TNR: variants seen among roughly 807,000 people sequenced by gnomAD.
The protein encoded by TNR is tenascin R.
In TNR, 45 loss-of-function variants were observed where a neutral mutation model predicts 150.4. The observed-to-expected ratio is 0.30, with a 90% CI of 0.24 to 0.38. The LOEUF (loss-of-function observed/expected upper bound fraction) is 0.38. Ranked by LOEUF, TNR falls within the 10% of genes least tolerant of loss-of-function variation. TNR has a pLI of 1.00. For missense variants in TNR, 1,544 were observed against 1,759.1 expected (o/e 0.88, Z 2.19); for synonymous variants, 687 against 678.4 (o/e 1.01, Z -0.20).
At chr1:175,398,807 A>G (rs774965067) in intron 4 of TNR, among the ~76,000 whole-genome samples, 7 of 152,236 alleles carry the variant, frequency 4.6e-5, no homozygotes, top group African/African-American at 7.2e-5. Context: ...AGCATTTCAC[A>G]GTCTATAAAC....
At position 175,330,187 on chromosome 1, in the gene TNR, C is replaced by T. The variant is rs1322200718; in HGVS notation, c.3680G>A (p.Arg1227His). 22 of 1,612,832 alleles carry T rather than the reference C, an allele frequency of 1.4e-5. No homozygotes were observed. Among genetic ancestry groups the T allele is most frequent in the East Asian group, 2.2e-5 (1 of 44,836 alleles). ...CTCTTGGCCATCCCGCATGTCCACG[C>T]GCAGCTCATAGCGGCCCTGGGATGT... Reference protein sequence around the residue: ...RITSQGRYELRVDMRDGQEAA... With the variant: ...RITSQGRYELHVDMRDGQEAA... The change falls in exon 21 of 23, where the codon CGC becomes CAC. Residue 1227 changes from arginine (R) to histidine (H), a missense_variant. By Grantham distance (29) the Arg-to-His change is conservative. Coordinates refer to ENST00000367674, the MANE Select transcript of TNR (RefSeq NM_003285.3).
chr1:175,367,480 G>C (rs1234901585), intron 9 of TNR, among the ~76,000 whole-genome samples, 183 bp from the exon 10 acceptor site: 1 of 152,152 alleles, frequency 6.6e-6, no homozygotes, highest in East Asian at 1.9e-4. Context: ...CAAGTCAATA[G>C]GATGAACCAG....
chr1:175,656,149 TG>T (rs1665166907), intron 1 of TNR, among the ~76,000 whole-genome samples: 1 of 135,280 alleles, frequency 7.4e-6, no homozygotes, highest in Non-Finnish European at 1.5e-5. Context: ...GAAGTGTGTG[TG>T]TGTGTGTGTG....
At chr1:175,607,715 A>G (rs908512140) in intron 1 of TNR, among the ~76,000 whole-genome samples, 2 of 152,208 alleles carry the variant, frequency 1.3e-5, no homozygotes, top group African/African-American at 4.8e-5. Flanking sequence ...GGGAAGGGCC[A>G]ACAGTGATGG....
At position 175,680,804 on chromosome 1, in the gene TNR, C is replaced by T. The variant is rs556081097; in HGVS notation, c.-165+62422G>A. Among the ~76,000 whole-genome samples, 3 of 152,318 alleles carry T rather than the reference C, an allele frequency of 2.0e-5. No individual in the cohort carries two copies. The East Asian group carries it at 5.8e-4, about 29-fold the overall frequency. Reference sequence around the variant, plus strand: ...AGTACCAGTGTGTCTACAAACAGGGCAGCATTGCCTGCCTTGCATTTGCCA... The same window carrying T: ...AGTACCAGTGTGTCTACAAACAGGGTAGCATTGCCTGCCTTGCATTTGCCA... On this transcript the variant is annotated intron_variant, in intron 1 of 22. Transcript: ENST00000367674.
chr1:175,485,408 A>G (rs886115948), intron 2 of TNR, among the ~76,000 whole-genome samples: 1 of 152,188 alleles, frequency 6.6e-6, no homozygotes, highest in African/African-American at 2.4e-5. Flanking sequence ...TCCCTTTCAG[A>G]GACCAAGCAA....
At chr1:175,739,179 C>G (rs555313868) in intron 1 of TNR, among the ~76,000 whole-genome samples, 1 of 152,162 alleles carries the variant, frequency 6.6e-6, no homozygotes, top group East Asian at 1.9e-4. Context: ...AGAGGCAAAA[C>G]CCTGGAAGAA....
chr1:175,332,971 G>A lies in TNR; in HGVS notation c.3632-2736C>T, dbSNP rs138939965. On this transcript the variant is annotated intron_variant, in intron 20 of 22. Coordinates refer to ENST00000367674, the MANE Select transcript of TNR (RefSeq NM_003285.3). Reference sequence around the variant, plus strand: ...TTAATCTCAGTCTTTTGTAATAGAAGAAGGAGATACCTTAACCCTGATCCT... The same window carrying A: ...TTAATCTCAGTCTTTTGTAATAGAAAAAGGAGATACCTTAACCCTGATCCT... 2.4e-3 allele frequency among the ~76,000 whole-genome samples: 359 copies of A among 152,336 alleles called. 1 individual carries two copies. Among genetic ancestry groups the A allele is most frequent in the Middle Eastern group, 6.8e-3 (2 of 294 alleles).
chr1:175,433,579 T>A (rs1655368072), intron 2 of TNR, among the ~76,000 whole-genome samples: 1 of 152,216 alleles, frequency 6.6e-6, no homozygotes, highest in African/African-American at 2.4e-5. Context: ...GCAATCTGTC[T>A]GAGGCTGTCA....
chr1:175,351,291 G>T (rs1651039511), intron 18 of TNR, among the ~76,000 whole-genome samples: 1 of 152,106 alleles, frequency 6.6e-6, no homozygotes, highest in Admixed American at 6.5e-5. Flanking sequence ...CTTGGGCAGG[G>T]GTAGAAAACT....
At chr1:175,491,275 A>G (rs1571514427) in intron 2 of TNR, among the ~76,000 whole-genome samples, 1 of 152,286 alleles carries the variant, frequency 6.6e-6, no homozygotes, top group East Asian at 1.9e-4. Flanking sequence ...TGCTGGGTTT[A>G]ATACCTAGGT....
At chr1:175,556,112 G>A (rs1661149052) in intron 1 of TNR, among the ~76,000 whole-genome samples, 2 of 152,336 alleles carry the variant, frequency 1.3e-5, no homozygotes, top group African/African-American at 2.4e-5. Flanking sequence ...GAAGACCGAC[G>A]GCCTTTTTGG....
At chr1:175,727,628 T>A (rs1162906433) in intron 1 of TNR, among the ~76,000 whole-genome samples, 1 of 152,000 alleles carries the variant, frequency 6.6e-6, no homozygotes, top group African/African-American at 2.4e-5. Context: ...AAGGGAGAAA[T>A]TGAGGATTCA....
At chr1:175,394,694 T>C (rs375295089) in intron 5 of TNR, among the ~76,000 whole-genome samples, 47 of 152,318 alleles carry the variant, frequency 3.1e-4, no homozygotes, top group South Asian at 1.5e-3. Context: ...GCTATTCCCA[T>C]TGGAAAAAGG....
chr1:175,627,099 C>A (rs754281013), intron 1 of TNR, among the ~76,000 whole-genome samples: 1 of 152,214 alleles, frequency 6.6e-6, no homozygotes, highest in Non-Finnish European at 1.5e-5. Context: ...TTGTTTTAAG[C>A]CACAAAGTAA....
Position 175,656,141 on chromosome 1 carries a change from AGTGTGTGTGTGTGTGTGT to A in TNR, c.-165+87067_-165+87084del, listed in dbSNP as rs575020723. On this transcript the variant is annotated intron_variant, in intron 1 of 22. Transcript: ENST00000367674. ...AGGGGAAGACGGGGAGGAAGGTTGA[AGTGTGTGTGTGTGTGTGT>A]GTGTGTGTGTGTGTGTGTGTGTGTG... Among the ~76,000 whole-genome samples, 479 of 123,938 alleles carry A rather than the reference AGTGTGTGTGTGTGTGTGT, an allele frequency of 3.9e-3. 7 individuals carry two copies. Among genetic ancestry groups the A allele is most frequent in the African/African-American group, 0.013 (443 of 32,860 alleles). The allele number at this position is 123,938 out of a possible 152,430, so 81.3% of individuals were successfully genotyped here.
At position 175,319,598 on chromosome 1, in the gene TNR, G is replaced by A. The variant is rs1416096102; in HGVS notation, c.*3759C>T. Reference sequence around the variant, plus strand: ...TACCACTTTATGAGTAGTAGAGGGGGAAGTTGGTAGGTGAGGGACAGGTGG... The same window carrying A: ...TACCACTTTATGAGTAGTAGAGGGGAAAGTTGGTAGGTGAGGGACAGGTGG... On this transcript the variant is annotated 3_prime_UTR_variant, in exon 23 of 23. Transcript: ENST00000367674. 1 of 152,400 alleles carries A rather than the reference G, an allele frequency of 6.6e-6. No individual in the cohort carries two copies. The highest frequency in any genetic ancestry group is 1.9e-4 in the East Asian group (1 of 5,198). The allele number at this position is 152,400 out of a possible 1,614,324, so 9.4% of individuals were successfully genotyped here. A position where few individuals can be genotyped will look rare whatever the true frequency, so the allele number is the denominator to read the frequency against.
intron 2 of TNR, among the ~76,000 whole-genome samples, chr1:175,513,081 G>A (rs1659256774): frequency 6.6e-6 from 1 of 152,166 alleles, no homozygotes; most frequent in Non-Finnish European, 1.5e-5. Context: ...ACCACATTTT[G>A]TAATAAGTTC....
At chr1:175,454,923 C>G (rs1656499581) in intron 2 of TNR, among the ~76,000 whole-genome samples, 1 of 152,166 alleles carries the variant, frequency 6.6e-6, no homozygotes, top group Non-Finnish European at 1.5e-5. Flanking sequence ...GGGTCTATAT[C>G]CCTTCCTCTT....
Sources: allele counts gnomAD v4.1 joint callset (sites outside exome capture counted in the v4.1 genomes callset), GRCh38; gene constraint gnomAD v4.1.1; transcripts MANE v1.5; gene names NCBI Gene and HGNC (gene_info 2026-07-23, HGNC 2026-07-21).